Variants in SCMH1 observed in about 807,000 individuals in gnomAD.
SCMH1 encodes the protein polycomb protein SCMH1.
In SCMH1, 37 loss-of-function variants were observed where a neutral mutation model predicts 70.8. The observed-to-expected ratio is 0.52, with a 90% CI of 0.40 to 0.69. The LOEUF (loss-of-function observed/expected upper bound fraction) is 0.69, where lower values mean the gene tolerates loss of function less well. Ranked by LOEUF, SCMH1 falls within the 30% of genes least tolerant of loss-of-function variation. The pLI is 0.00. For missense variants in SCMH1, 607 were observed against 827.3 expected, an observed-to-expected ratio of 0.73 and a Z score of 3.27; for synonymous variants, 292 against 307.4, an observed-to-expected ratio of 0.95 and a Z score of 0.52.
At position 41,113,213 on chromosome 1, in the gene SCMH1, C is replaced by A. The variant is rs536198886; in HGVS notation, c.745+70G>T. On this transcript the variant is annotated intron_variant, in intron 8 of 14. Coordinates refer to ENST00000337495, the Ensembl canonical transcript of SCMH1. The surrounding 1 kb of genome is among the most constrained non-coding windows in gnomAD (Gnocchi z 4.3). ...TGAAGTATACTGGTGAAGATATGAT[C>A]ATGACAGCCCTGGGTAGTCTCCCTT... The A allele has an allele frequency of 3.0e-5, 47 of 1,548,084 alleles. No individual in the cohort carries two copies. The highest frequency in any genetic ancestry group is 3.7e-5 in the Non-Finnish European group (42 of 1,147,942).
At chr1:41,083,271 C>G (rs1249028300) in intron 8 of SCMH1, among the ~76,000 whole-genome samples, 6 of 152,130 alleles carry the variant, frequency 3.9e-5, no homozygotes, top group African/African-American at 4.8e-5. Context: ...AGCAACTTCA[C>G]CAAAGTCTCA....
At chr1:41,077,855 C>T (rs920789996) in intron 8 of SCMH1, among the ~76,000 whole-genome samples, 2 of 152,062 alleles carry the variant, frequency 1.3e-5, no homozygotes, top group Non-Finnish European at 2.9e-5. Flanking sequence ...AAACGTTTGG[C>T]ATACTACAAA....
intron 13 of SCMH1, among the ~76,000 whole-genome samples, chr1:41,035,661 G>A (rs531104334): frequency 5.1e-4 from 78 of 152,218 alleles, no homozygotes; most frequent in Non-Finnish European, 8.5e-4. Flanking sequence ...CACTCCTGAA[G>A]CCTAACTTTC....
intron 4 of SCMH1, among the ~76,000 whole-genome samples, chr1:41,152,083 T>C (rs1341724539): frequency 2.0e-5 from 3 of 152,168 alleles, no homozygotes; most frequent in African/African-American, 7.2e-5. Flanking sequence ...CGCTGTCAAG[T>C]GGCAGCTTTT....
intron 1 of SCMH1, among the ~76,000 whole-genome samples, chr1:41,223,793 C>T (rs1439744306): frequency 6.6e-6 from 1 of 152,116 alleles, no homozygotes; most frequent in Non-Finnish European, 1.5e-5. Flanking sequence ...TAATAACCTG[C>T]AAACATTTGG....
chr1:41,200,412 G>A (rs1298071910), intron 1 of SCMH1, among the ~76,000 whole-genome samples: 1 of 151,776 alleles, frequency 6.6e-6, no homozygotes, highest in Non-Finnish European at 1.5e-5. Flanking sequence ...CCCAGGAGGC[G>A]GAGCTTGCAG....
chr1:41,100,359 C>A (rs529952973), intron 8 of SCMH1, among the ~76,000 whole-genome samples: 25 of 151,988 alleles, frequency 1.6e-4, no homozygotes, highest in Admixed American at 5.9e-4. Flanking sequence ...CCATTTCTAC[C>A]CCCTAGGCAG....
intron 1 of SCMH1, among the ~76,000 whole-genome samples, chr1:41,211,093 C>A (rs1656907520): frequency 6.6e-6 from 1 of 152,102 alleles, no homozygotes; most frequent in African/African-American, 2.4e-5. Context: ...CAGGCGTGAG[C>A]TACTGTGCCT....
At chr1:41,192,501 C>CACACACACACAT (rs1651956194) in intron 1 of SCMH1, among the ~76,000 whole-genome samples, 1 of 151,212 alleles carries the variant, frequency 6.6e-6, no homozygotes, top group Non-Finnish European at 1.5e-5. Context: ...AGGAGACACA[C>CACACACACACAT]ACACACACAC....
intron 2 of SCMH1, among the ~76,000 whole-genome samples, chr1:41,170,833 G>T (rs1054220932): frequency 1.3e-5 from 2 of 152,104 alleles, no homozygotes; most frequent in Admixed American, 6.5e-5. Flanking sequence ...GGGTGTGTCT[G>T]CTCACCACAC....
intron 2 of SCMH1, among the ~76,000 whole-genome samples, chr1:41,163,373 C>T (rs1335625995): frequency 6.6e-6 from 1 of 152,164 alleles, no homozygotes; most frequent in Non-Finnish European, 1.5e-5. Flanking sequence ...AGGCTGATAG[C>T]ATGAGCAGCC....
intron 10 of SCMH1, among the ~76,000 whole-genome samples, chr1:41,065,871 CAT>C (rs1348717061): frequency 2.6e-5 from 4 of 152,262 alleles, no homozygotes; most frequent in Non-Finnish European, 5.9e-5. Context: ...TAGACGATCA[CAT>C]AGGAGAAAAT....
intron 4 of SCMH1, among the ~76,000 whole-genome samples, chr1:41,156,422 G>T (rs1162369168): frequency 1.3e-5 from 2 of 152,086 alleles, no homozygotes; most frequent in Non-Finnish European, 2.9e-5. Context: ...GCCACTGATG[G>T]TAATTTAAGT....
At chr1:41,137,442 T>C (rs909208470) in intron 6 of SCMH1, among the ~76,000 whole-genome samples, 1 of 151,954 alleles carries the variant, frequency 6.6e-6, no homozygotes, top group African/African-American at 2.4e-5. Context: ...TGCATACATA[T>C]GCACACACAC....
At chr1:41,165,991 T>G (rs1646386097) in intron 2 of SCMH1, among the ~76,000 whole-genome samples, 1 of 152,170 alleles carries the variant, frequency 6.6e-6, no homozygotes, top group Admixed American at 6.5e-5. Context: ...GTTTCATAGT[T>G]TCAAGTCTTT....
chr1:41,125,857 G>T (rs568453550), intron 6 of SCMH1, among the ~76,000 whole-genome samples: 82 of 152,226 alleles, frequency 5.4e-4, no homozygotes, highest in Non-Finnish European at 1.1e-3. Flanking sequence ...GATTACAGGT[G>T]TATCAGGTGA....
chr1:41,121,581 C>G (rs1245609207), intron 6 of SCMH1, among the ~76,000 whole-genome samples: 1 of 152,144 alleles, frequency 6.6e-6, no homozygotes, highest in African/African-American at 2.4e-5. Flanking sequence ...TAGAGCACCT[C>G]AGTGCTCAGT....
At chr1:41,035,535 T>C (rs534276823) in intron 13 of SCMH1, among the ~76,000 whole-genome samples, 1 of 152,314 alleles carries the variant, frequency 6.6e-6, no homozygotes, top group South Asian at 2.1e-4. Context: ...ACCCCTTCCC[T>C]GACCAGGCCT....
chr1:41,092,692 C>T (rs1328931689), intron 8 of SCMH1, among the ~76,000 whole-genome samples: 3 of 152,146 alleles, frequency 2.0e-5, no homozygotes, highest in Non-Finnish European at 2.9e-5. Flanking sequence ...ATCAAATAAC[C>T]CCATCAAAAA....
Sources: gnomAD v4.1 joint callset for allele counts (sites outside exome capture counted in the v4.1 genomes callset) on GRCh38, gnomAD v4.1.1 for gene constraint, Gnocchi (gnomAD v3.1) non-coding constraint, MANE v1.5 for transcripts, NCBI Gene and HGNC (gene_info 2026-07-23, HGNC 2026-07-21) for gene names.